Variants in C2orf76 observed in about 807,000 individuals in gnomAD.
C2orf76 encodes chromosome 2 open reading frame 76.
C2orf76 carries 23 observed loss-of-function variants against 16.9 expected under a neutral mutation model. The ratio of observed to expected loss-of-function variants is 1.36; its 90% CI spans 0.98 to 1.93. C2orf76 has a LOEUF of 1.93. Among genes scored for constraint, C2orf76 ranks in the 30% most tolerant of loss-of-function variants. The pLI, the probability that C2orf76 is intolerant of heterozygous loss-of-function variation, is 0.00. For synonymous variants in C2orf76, 48 were observed against 52.3 expected, an observed-to-expected ratio of 0.92 and a Z score of 0.35; for missense variants, 152 against 152.6, an observed-to-expected ratio of 1.00 and a Z score of 0.02.
chr2:119,360,657 C>CAAT (rs1417507633), intron 1 of C2orf76, among the ~76,000 whole-genome samples: 1 of 152,118 alleles, frequency 6.6e-6, no homozygotes, highest in African/African-American at 2.4e-5. Flanking sequence ...ACCAAACCTG[C>CAAT]AATATCTCTG....
At chr2:119,315,548 A>G (rs1410843774) in intron 4 of C2orf76, among the ~76,000 whole-genome samples, 1 of 152,226 alleles carries the variant, frequency 6.6e-6, no homozygotes, top group Non-Finnish European at 1.5e-5. Flanking sequence ...TAAGGCACAA[A>G]TGAGGACATG....
chr2:119,323,651 C>CA (rs976918277), intron 2 of C2orf76, among the ~76,000 whole-genome samples: 29 of 151,858 alleles, frequency 1.9e-4, no homozygotes, highest in South Asian at 1.7e-3. Context: ...CAAAACAAAA[C>CA]AAAAAAAACC....
downstream of C2orf76, among the ~76,000 whole-genome samples, chr2:119,301,023 G>A (rs1293596318): frequency 6.6e-6 from 1 of 150,604 alleles, no homozygotes; most frequent in Non-Finnish European, 1.5e-5. Flanking sequence ...TTTCTTCTAA[G>A]CAAAAATTCC....
At chr2:119,289,201 A>T in the C2orf76 span, among the ~76,000 whole-genome samples, 1 of 152,020 alleles carries the variant, frequency 6.6e-6, no homozygotes, top group Non-Finnish European at 1.5e-5. Context: ...CGGGGGCCTT[A>T]AGGCTGCAGA....
intron 1 of C2orf76, among the ~76,000 whole-genome samples, chr2:119,364,039 G>GAGAGAC (rs113457627): frequency 1.2e-3 from 182 of 147,674 alleles, no homozygotes; most frequent in African/African-American, 1.9e-3. Context: ...GAGAGAGAGA[G>GAGAGAC]AGACAGACAG....
chr2:119,337,859 G>A (rs557195771), intron 2 of C2orf76, among the ~76,000 whole-genome samples: 18 of 152,264 alleles, frequency 1.2e-4, no homozygotes, highest in Non-Finnish European at 2.1e-4. Flanking sequence ...TGTGGTACCT[G>A]GAAAGAAAAG....
chr2:119,321,158 T>G lies in C2orf76; in HGVS notation c.180A>C (p.Lys60Asn). The change falls in exon 3 of 6, where the codon AAA (lysine) becomes AAC (asparagine). Residue 60 changes from lysine (K) to asparagine (N), a missense_variant. Lys to Asn is a moderately conservative substitution (Grantham distance 94). Transcript: ENST00000334816. ...AAAGAATAAAAAAATGGTTACCATATTTATAATTTCTGAATGGTGGTGGCA... is the reference window on the plus strand; with the variant it reads ...AAAGAATAAAAAAATGGTTACCATAGTTATAATTTCTGAATGGTGGTGGCA... ...TNLPPPFRNY[K>N]YDALKIIHQA... 7.1e-7 allele frequency: 1 copy of G among 1,409,122 alleles called. No individual in the cohort carries two copies. 87.3% of individuals were successfully genotyped at this position (1,409,122 alleles called of 1,614,324 possible).
the C2orf76 span, among the ~76,000 whole-genome samples, chr2:119,282,611 AG>A: frequency 6.6e-6 from 1 of 152,198 alleles, no homozygotes; most frequent in East Asian, 1.9e-4. Context: ...ACACCTGTAA[AG>A]CGTCCGTCTC....
downstream of C2orf76, among the ~76,000 whole-genome samples, chr2:119,297,708 G>A (rs533942739): frequency 6.6e-6 from 1 of 152,276 alleles, no homozygotes; most frequent in South Asian, 2.1e-4. Context: ...ATGTTGCCCA[G>A]GCTGGACTCA....
the C2orf76 span, among the ~76,000 whole-genome samples, chr2:119,295,633 C>T: frequency 6.6e-6 from 1 of 152,092 alleles, no homozygotes; most frequent in African/African-American, 2.4e-5. Flanking sequence ...CCATTATGGA[C>T]GACAGTTTTT....
At chr2:119,319,082 A>G (rs140564333) in intron 3 of C2orf76, among the ~76,000 whole-genome samples, 1 of 152,180 alleles carries the variant, frequency 6.6e-6, no homozygotes, top group East Asian at 1.9e-4. Context: ...AGCCAATAGT[A>G]TTTTTAAAAT....
intron 5 of C2orf76, among the ~76,000 whole-genome samples, chr2:119,305,924 C>CA (rs757007575): frequency 0.024 from 1,691 of 69,782 alleles, 17 homozygotes; most frequent in Non-Finnish European, 0.038. Flanking sequence ...AACAACTAGC[C>CA]AAAAAAAAAA....
chr2:119,304,275 C>T (rs1377738008), intron 5 of C2orf76, among the ~76,000 whole-genome samples: 1 of 152,236 alleles, frequency 6.6e-6, no homozygotes, highest in East Asian at 1.9e-4. Flanking sequence ...GTGCTATTTA[C>T]ATACAGAACT....
chr2:119,307,477 C>G (rs1678829027), intron 5 of C2orf76, among the ~76,000 whole-genome samples: 1 of 151,738 alleles, frequency 6.6e-6, no homozygotes, highest in Non-Finnish European at 1.5e-5. Flanking sequence ...GTATCATTTT[C>G]ACAACTCAAT....
At position 119,339,872 on chromosome 2, in the gene C2orf76, T is replaced by C; in HGVS notation, c.88A>G (p.Asn30Asp). The change falls in exon 2 of 6, where the codon AAT (asparagine) becomes GAT (aspartate). Residue 30 changes from asparagine to aspartate, a missense_variant. Physicochemically the swap from Asn to Asp is conservative, Grantham distance 23. Transcript: ENST00000334816. ...NFKPVVYHGV[N>D]LDQTVKEFIV... is the part of the protein sequence containing the mutation. ...AATTCCTTTACAGTTTGGTCCAAAT[T>C]CACTCCGTGATACACTACAGGTTTG... The C allele has an allele frequency of 6.2e-7, 1 of 1,610,898 alleles. No individual in the cohort carries two copies. Among genetic ancestry groups the C allele is most frequent in the Non-Finnish European group, 8.5e-7 (1 of 1,177,260 alleles).
chr2:119,324,464 T>C (rs1424792491), intron 2 of C2orf76, among the ~76,000 whole-genome samples: 1 of 152,190 alleles, frequency 6.6e-6, no homozygotes, highest in Non-Finnish European at 1.5e-5. Flanking sequence ...ACGTGGGCTG[T>C]CCTCTCAAAA....
At chr2:119,301,076 AACACACACACACACAC>A (rs57577702), downstream of C2orf76, among the ~76,000 whole-genome samples, 2 of 146,140 alleles carry the variant, frequency 1.4e-5, no homozygotes, top group Non-Finnish European at 3.0e-5. Flanking sequence ...ACTTCTTAAA[AACACACACACACACAC>A]ACACACACAC....
At chr2:119,348,124 A>G (rs1680265274) in intron 1 of C2orf76, among the ~76,000 whole-genome samples, 1 of 151,900 alleles carries the variant, frequency 6.6e-6, no homozygotes, top group South Asian at 2.1e-4. Context: ...CTCATATACT[A>G]TTCCATTTGT....
intron 2 of C2orf76, among the ~76,000 whole-genome samples, chr2:119,334,519 C>T (rs949438038): frequency 3.3e-5 from 5 of 151,310 alleles, no homozygotes; most frequent in Admixed American, 1.3e-4. Context: ...AGCAAAACCC[C>T]GTCTCTACTA....
Sources: gnomAD v4.1 joint callset for allele counts (sites outside exome capture counted in the v4.1 genomes callset) on GRCh38, gnomAD v4.1.1 for gene constraint, MANE v1.5 for transcripts, NCBI Gene and HGNC (gene_info 2026-07-23, HGNC 2026-07-21) for gene names.